The following SULF1 variants were observed in gnomAD, a reference collection of about 807,000 sequenced individuals.
The protein encoded by SULF1 is sulfatase 1, also known as extracellular sulfatase Sulf-1.
SULF1 carries 46 observed loss-of-function variants against 110.5 expected under a neutral mutation model. The observed-to-expected ratio is 0.42, with a 90% CI of 0.33 to 0.53. The LOEUF (loss-of-function observed/expected upper bound fraction) is 0.53. SULF1 is among the 20% of genes least tolerant of loss of function. The probability of loss-of-function intolerance (pLI) is 0.12; values close to 1 mark genes in which losing one functional copy is unlikely to be tolerated. For missense variants in SULF1, 941 were observed against 1,094.2 expected (o/e 0.86, Z 1.98); for synonymous variants, 371 against 387.1 (o/e 0.96, Z 0.49).
chr8:69,490,390 C>T (rs1274810357), upstream of SULF1, among the ~76,000 whole-genome samples: 2 of 152,158 alleles, frequency 1.3e-5, no homozygotes, highest in African/African-American at 4.8e-5. Context: ...CATGAGCCAC[C>T]ATGCATGGCT....
chr8:69,572,422 A>T (rs1805300578), intron 5 of SULF1, among the ~76,000 whole-genome samples: 2 of 152,194 alleles, frequency 1.3e-5, no homozygotes, highest in African/African-American at 4.8e-5. Context: ...GATCAAATTA[A>T]TTGCTCATGT....
chr8:69,620,884 A>G (rs1457037539), intron 13 of SULF1, 151 bp from the exon 14 acceptor site: 4 of 558,032 alleles, frequency 7.2e-6, no homozygotes, highest in Non-Finnish European at 1.2e-5. Flanking sequence ...GTGCAGGGTC[A>G]CTTAAAAGCT....
At chr8:69,505,917 C>A (rs2150579993) in intron 3 of SULF1, among the ~76,000 whole-genome samples, 1 of 151,672 alleles carries the variant, frequency 6.6e-6, no homozygotes, top group East Asian at 1.9e-4. Context: ...AAATCACACA[C>A]TTAACCCAAA....
chr8:69,568,700 T>C (rs1586426797), intron 5 of SULF1, among the ~76,000 whole-genome samples: 1 of 152,160 alleles, frequency 6.6e-6, no homozygotes, highest in Admixed American at 6.5e-5. Flanking sequence ...CCTATACCCG[T>C]AAGTACTTCA....
intron 6 of SULF1, among the ~76,000 whole-genome samples, chr8:69,581,726 G>T (rs534430546): frequency 3.9e-4 from 59 of 152,312 alleles, no homozygotes; most frequent in African/African-American, 1.3e-3. Flanking sequence ...ACATCTGGAG[G>T]AAAATAATTA....
chr8:69,522,877 A>G lies in SULF1; in HGVS notation c.-134+20909A>G, dbSNP rs139781341. ...AGCAACAATGGTGAAGTAGAGAGAG[A>G]GAAAGCCTGATTATTTAGGCAAAGA... is the stretch of plus-strand genomic sequence containing the variant. On this transcript the variant is annotated intron_variant, in intron 3 of 22. Coordinates refer to ENST00000402687, the MANE Select transcript of SULF1 (RefSeq NM_001128205.2). Among the ~76,000 whole-genome samples, 49 of 152,340 alleles carry G rather than the reference A, an allele frequency of 3.2e-4. No homozygotes were observed. The East Asian group carries it at 9.4e-3, about 29-fold the overall frequency.
intron 13 of SULF1, among the ~76,000 whole-genome samples, chr8:69,614,750 G>A (rs1045571490): frequency 3.9e-5 from 6 of 152,226 alleles, no homozygotes; most frequent in African/African-American, 1.4e-4. Context: ...CATGGCCCTT[G>A]CCCTTAATTC....
At chr8:69,526,685 G>T (rs1812693151) in intron 3 of SULF1, among the ~76,000 whole-genome samples, 1 of 152,094 alleles carries the variant, frequency 6.6e-6, no homozygotes, top group Non-Finnish European at 1.5e-5. Context: ...CAGCTACTTG[G>T]GAGGCTGAGA....
In SULF1 at chr8:69,658,683, A is replaced by C. The variant is rs1011672925; in HGVS notation, c.*148A>C. ...TGAAGGATTTAGATAGAGTATTTGCACTGCTGAAGAGTCACTATGAGCAAA... is the reference window on the plus strand; with the variant it reads ...TGAAGGATTTAGATAGAGTATTTGCCCTGCTGAAGAGTCACTATGAGCAAA... On this transcript the variant is annotated 3_prime_UTR_variant, in exon 23 of 23. Transcript: ENST00000402687. 1.4e-6 allele frequency: 1 copy of C among 735,752 alleles called. No homozygotes were observed. The highest frequency in any genetic ancestry group is 2.5e-6 in the Non-Finnish European group (1 of 406,806). 45.6% of individuals were successfully genotyped at this position (735,752 alleles called of 1,614,324 possible). A position where few individuals can be genotyped will look rare whatever the true frequency, so the allele number is the denominator to read the frequency against.
At position 69,640,139 on chromosome 8, in the gene SULF1, G is replaced by A. The variant is rs551913795; in HGVS notation, c.2552-669G>A. Among the ~76,000 whole-genome samples, 45 of 150,318 alleles carry A rather than the reference G, an allele frequency of 3.0e-4. 1 individual carries two copies. The East Asian group carries it at 4.9e-3, about 16-fold the overall frequency. ...AGGAAGAAAGGAAGGAAGAAGGAAGGAAGGAAGGAAAGAAAGAAAGAAAAA... is the reference window on the plus strand; with the variant it reads ...AGGAAGAAAGGAAGGAAGAAGGAAGAAAGGAAGGAAAGAAAGAAAGAAAAA... On this transcript the variant is annotated intron_variant, in intron 21 of 22. Coordinates refer to ENST00000402687, the MANE Select transcript of SULF1 (RefSeq NM_001128205.2).
intron 13 of SULF1, among the ~76,000 whole-genome samples, chr8:69,612,837 C>T (rs1048794328): frequency 7.9e-5 from 12 of 152,012 alleles, no homozygotes; most frequent in Admixed American, 2.0e-4. Flanking sequence ...TCTTTTGCTG[C>T]GCAGAAGGTT....
Position 69,625,247 on chromosome 8 carries a change from GT to G in SULF1, c.1850+1056del, listed in dbSNP as rs145423563. On this transcript the variant is annotated intron_variant, in intron 15 of 22. Coordinates refer to ENST00000402687, the MANE Select transcript of SULF1 (RefSeq NM_001128205.2). ...TTGTTCTATGTCTATTTGAACTTGA[GT>G]TTTTTGGTGGTATCCTGTTCATGAG... 1.5e-3 allele frequency among the ~76,000 whole-genome samples: 227 copies of G among 152,326 alleles called. 1 individual carries two copies. The highest frequency in any genetic ancestry group is 5.1e-3 in the African/African-American group (214 of 41,562).
At chr8:69,548,505 T>C (rs1052712526) in intron 3 of SULF1, among the ~76,000 whole-genome samples, 3 of 150,808 alleles carry the variant, frequency 2.0e-5, no homozygotes, top group Non-Finnish European at 4.4e-5. Flanking sequence ...GAGTGTGCAG[T>C]GGCATGATCT....
In SULF1 at chr8:69,600,648, T is replaced by C. The variant is rs377164865; in HGVS notation, c.780T>C (p.Ile260=). 1.2e-6 allele frequency: 2 copies of C among 1,613,624 alleles called. No homozygotes were observed. The highest frequency in any genetic ancestry group is 2.7e-5 in the African/African-American group (2 of 74,918). The change falls in exon 9 of 23, where the codon ATT becomes ATC. Residue 260 remains isoleucine (I), a synonymous_variant. Coordinates refer to ENST00000402687, the MANE Select transcript of SULF1 (RefSeq NM_001128205.2). The part of the protein sequence containing the change: ...NYAPNMDKHW[I]MQYTGPMLPI... The stretch of plus-strand genomic sequence containing the variant: ...CACCAAATATGGATAAACACTGGAT[T>C]ATGCAGTACACAGGACCAATGCTGC...
At chr8:69,507,233 A>C (rs1375198461) in intron 3 of SULF1, among the ~76,000 whole-genome samples, 2 of 152,196 alleles carry the variant, frequency 1.3e-5, no homozygotes, top group African/African-American at 4.8e-5. Flanking sequence ...TTTGCAGGAT[A>C]ATTTTAAATG....
chr8:69,498,440 C>T (rs529167367), intron 2 of SULF1, among the ~76,000 whole-genome samples: 1 of 152,296 alleles, frequency 6.6e-6, no homozygotes, highest in East Asian at 1.9e-4. Context: ...CAGTGAGGCT[C>T]AGCCACCTTC....
At chr8:69,619,159 G>C (rs1372178179) in intron 13 of SULF1, among the ~76,000 whole-genome samples, 1 of 152,018 alleles carries the variant, frequency 6.6e-6, no homozygotes, top group Non-Finnish European at 1.5e-5. Context: ...CCACAGTTTA[G>C]AAATGCACCC....
In SULF1 at chr8:69,629,575, G is replaced by A. The variant is rs890201335; in HGVS notation, c.2180G>A (p.Arg727Lys). ...AACAACCGTAGGAGGAAGAAGGAGA[G>A]GAAGGAGAAGAGACGGCAGAGGAAG... ...KENNRRRKKE[R>K]KEKRRQRKGE... Residue 727 changes from arginine to lysine, a missense_variant, in exon 19 of 23, where the codon AGG becomes AAG. Physicochemically the swap from Arg to Lys is conservative, Grantham distance 26 (BLOSUM62 2). Transcript: ENST00000402687. 20 of 1,613,928 alleles carry A rather than the reference G, an allele frequency of 1.2e-5. No individual in the cohort carries two copies. The highest frequency in any genetic ancestry group is 1.6e-5 in the Non-Finnish European group (19 of 1,179,942).
At chr8:69,656,214 G>T (rs778764724) in intron 22 of SULF1, among the ~76,000 whole-genome samples, 52 of 152,204 alleles carry the variant, frequency 3.4e-4, no homozygotes, top group Admixed American at 2.0e-4. Flanking sequence ...CTGGTGTGTT[G>T]TGGTTTTCTG....
Sources: allele counts gnomAD v4.1 joint callset (sites outside exome capture counted in the v4.1 genomes callset), GRCh38; gene constraint gnomAD v4.1.1; transcripts MANE v1.5; gene names NCBI Gene and HGNC (gene_info 2026-07-23, HGNC 2026-07-21).